RANBP2: variants seen among roughly 807,000 people sequenced by gnomAD.
The protein encoded by RANBP2 is RAN binding protein 2.
In RANBP2, 57 loss-of-function variants were observed where a neutral mutation model predicts 303.6. That is an observed-to-expected ratio of 0.19 (90% CI 0.15 to 0.23). The LOEUF (loss-of-function observed/expected upper bound fraction) is 0.23. Among genes scored for constraint, RANBP2 ranks in the 10% least tolerant of loss-of-function variants. The pLI, the probability that RANBP2 is intolerant of heterozygous loss-of-function variation, is 1.00. For missense variants in RANBP2, 3,138 were observed against 3,780.8 expected, an observed-to-expected ratio of 0.83 and a Z score of 4.46; for synonymous variants, 1,167 against 1,301.5, an observed-to-expected ratio of 0.90 and a Z score of 2.23.
the RANBP2 span, among the ~76,000 whole-genome samples, chr2:109,464,994 C>G: frequency 4.6e-5 from 7 of 152,238 alleles, no homozygotes; most frequent in Non-Finnish European, 7.3e-5. Context: ...CATCTAACTC[C>G]TGGCAACCAC....
chr2:108,977,414 A>G, the RANBP2 span, among the ~76,000 whole-genome samples: 117,703 of 151,938 alleles, frequency 0.77, 47,121 homozygotes, highest in South Asian at 0.87. Context: ...GACTACAGGC[A>G]CCCGCCACCA....
chr2:109,545,906 GT>G, the RANBP2 span: 15 of 1,444,098 alleles, frequency 1.0e-5, no homozygotes, highest in African/African-American at 1.4e-5. Context: ...GAGGGACAAG[GT>G]CTCTCCTCTC....
the RANBP2 span, among the ~76,000 whole-genome samples, chr2:109,335,330 CA>C: frequency 6.6e-6 from 1 of 152,194 alleles, no homozygotes; most frequent in Non-Finnish European, 1.5e-5. Flanking sequence ...CTCAAGTTTC[CA>C]CATTGAAAAC....
At chr2:109,523,847 G>A in the RANBP2 span, among the ~76,000 whole-genome samples, 12 of 152,300 alleles carry the variant, frequency 7.9e-5, no homozygotes, top group Admixed American at 2.0e-4. Context: ...AGCCTGCGAC[G>A]GTCTCCCTCT....
the RANBP2 span, among the ~76,000 whole-genome samples, chr2:109,171,533 G>A: frequency 1.3e-4 from 20 of 152,326 alleles, no homozygotes; most frequent in African/African-American, 3.8e-4. Flanking sequence ...CTGTGGCTTC[G>A]CCCGCGGCGG....
the RANBP2 span, among the ~76,000 whole-genome samples, chr2:109,048,724 G>T: frequency 6.6e-6 from 1 of 152,232 alleles, no homozygotes; most frequent in East Asian, 1.9e-4. Context: ...GCCCCTGACA[G>T]CCTCCTCCTA....
At chr2:109,761,655 C>G in the RANBP2 span, among the ~76,000 whole-genome samples, 3 of 148,520 alleles carry the variant, frequency 2.0e-5, no homozygotes, top group East Asian at 6.3e-4. Flanking sequence ...CTCCCCCCAA[C>G]CCGCCACTAT....
chr2:109,709,358 A>G, the RANBP2 span, among the ~76,000 whole-genome samples: 1 of 150,888 alleles, frequency 6.6e-6, no homozygotes, highest in Admixed American at 6.6e-5. Flanking sequence ...AAAATAAAAT[A>G]AAATAAAATA....
chr2:108,897,221 G>T, the RANBP2 span: 1 of 1,613,630 alleles, frequency 6.2e-7, no homozygotes, highest in Non-Finnish European at 8.5e-7. Context: ...AGCTCCGTGG[G>T]GCTAAGACCT....
chr2:109,121,815 C>T, the RANBP2 span, among the ~76,000 whole-genome samples: 8 of 152,220 alleles, frequency 5.3e-5, no homozygotes, highest in African/African-American at 1.9e-4. Flanking sequence ...TGAATCACAT[C>T]TCTAACTGCC....
the RANBP2 span, among the ~76,000 whole-genome samples, chr2:109,677,079 C>T: frequency 6.6e-6 from 1 of 152,166 alleles, no homozygotes; most frequent in Non-Finnish European, 1.5e-5. Context: ...GGCCCTTGCT[C>T]CCTTTGTTTG....
At chr2:109,195,134 A>T in the RANBP2 span, among the ~76,000 whole-genome samples, 2 of 152,216 alleles carry the variant, frequency 1.3e-5, no homozygotes, top group African/African-American at 4.8e-5. Flanking sequence ...GATGGATAAA[A>T]ACTAATAGGA....
chr2:109,213,778 CTGTGGTGTGGTGTGATAGGGTGTGG>C, the RANBP2 span, among the ~76,000 whole-genome samples: 3 of 152,102 alleles, frequency 2.0e-5, no homozygotes, highest in African/African-American at 7.2e-5. Flanking sequence ...CGTGGTCTCA[CTGTGGTGTGGTGTGATAGGGTGTGG>C]TGTGGTGTGG....
chr2:109,066,359 G>A, the RANBP2 span, among the ~76,000 whole-genome samples: 10 of 152,024 alleles, frequency 6.6e-5, no homozygotes, highest in Non-Finnish European at 1.5e-4. Context: ...TGCCCACCTC[G>A]GCCTCCCAAA....
At chr2:109,748,854 CAG>C in the RANBP2 span, among the ~76,000 whole-genome samples, 5 of 132,728 alleles carry the variant, frequency 3.8e-5, no homozygotes, top group Admixed American at 2.4e-4. Context: ...GCCTGGGTGA[CAG>C]AGAGAGACTC....
chr2:109,173,831 G>A, the RANBP2 span, among the ~76,000 whole-genome samples: 6 of 152,202 alleles, frequency 3.9e-5, no homozygotes, highest in Admixed American at 6.5e-5. Context: ...GAACACTGCC[G>A]TCGTCCTTGG....
the RANBP2 span, among the ~76,000 whole-genome samples, chr2:108,943,293 C>A: frequency 1.1e-4 from 16 of 152,348 alleles, no homozygotes; most frequent in Admixed American, 9.8e-4. Context: ...CCAAAGGGCT[C>A]TGCTGCACCC....
the RANBP2 span, among the ~76,000 whole-genome samples, chr2:109,078,963 C>A: frequency 6.6e-6 from 1 of 151,924 alleles, no homozygotes; most frequent in Non-Finnish European, 1.5e-5. Flanking sequence ...TGCTTTCCAG[C>A]CTGGGCAACG....
At chr2:109,301,240 C>T in the RANBP2 span, among the ~76,000 whole-genome samples, 9 of 151,750 alleles carry the variant, frequency 5.9e-5, no homozygotes, top group Non-Finnish European at 1.3e-4. Context: ...CTCTGTGCAC[C>T]GGGACTCAGA....
Sources: gnomAD v4.1 joint callset for allele counts (sites outside exome capture counted in the v4.1 genomes callset) on GRCh38, gnomAD v4.1.1 for gene constraint, MANE v1.5 for transcripts, NCBI Gene and HGNC (gene_info 2026-07-23, HGNC 2026-07-21) for gene names.